The following ABCA1 variants were observed in gnomAD, a reference collection of about 807,000 sequenced individuals.
ABCA1 encodes the protein phospholipid-transporting ATPase ABCA1.
Under a neutral mutation model 262.5 loss-of-function variants are expected in ABCA1, and 133 were observed. The ratio of observed to expected loss-of-function variants is 0.51; its 90% CI spans 0.44 to 0.59. The LOEUF (loss-of-function observed/expected upper bound fraction) is 0.59. ABCA1 is among the 20% of genes least tolerant of loss of function. ABCA1 has a pLI of 0.00. For missense variants in ABCA1, 2,452 were observed against 2,777.5 expected (o/e 0.88, Z 2.63); for synonymous variants, 1,022 against 1,043.5 (o/e 0.98, Z 0.40).
At chr9:104,925,212 A>C (rs1273930407) in intron 1 of ABCA1, among the ~76,000 whole-genome samples, 1 of 152,136 alleles carries the variant, frequency 6.6e-6, no homozygotes, top group African/African-American at 2.4e-5. Flanking sequence ...CTCTGTCTCT[A>C]CTGAAAATGC....
Position 104,903,759 on chromosome 9 carries a change from G to A in ABCA1, c.-80C>T. The A allele has an allele frequency of 7.6e-7, 1 of 1,310,522 alleles. No individual in the cohort carries two copies. Among genetic ancestry groups the A allele is most frequent in the Non-Finnish European group, 1.1e-6 (1 of 931,428 alleles). 81.2% of individuals were successfully genotyped at this position (1,310,522 alleles called of 1,614,324 possible). ...CCAGAGCTCACAGCAGGGACGCCGT[G>A]GCTGGTCATTAACTGAAAGATAAAG... On this transcript the variant is annotated 5_prime_UTR_variant, in exon 2 of 50. Coordinates refer to ENST00000374736, the MANE Select transcript of ABCA1 (RefSeq NM_005502.4).
In ABCA1 at chr9:104,840,548, G is replaced by T. The variant is rs369578104; in HGVS notation, c.814-29C>A. The T allele has an allele frequency of 9.0e-5, 144 of 1,605,932 alleles. 1 individual carries two copies. In the South Asian group the frequency reaches 1.5e-3, roughly 16 times the overall value. ...GCGTCAGGGATGGGGACAGAAAGGA[G>T]GGTAGGGGAAGGGAGAAAAGGGCAG... On this transcript the variant is annotated intron_variant, in intron 8 of 49. Transcript: ENST00000374736.
Position 104,825,896 on chromosome 9 carries a change from A to G in ABCA1, c.2338-9T>C. 6.2e-7 allele frequency: 1 copy of G among 1,613,684 alleles called. No homozygotes were observed. The highest frequency in any genetic ancestry group is 1.3e-5 in the African/African-American group (1 of 75,062). Reference sequence around the variant, plus strand: ...ACAGGAGACAGCAGGCTCTGTGAGAAACAGGCAAAGTCACCTATCCATTTC... The same window carrying G: ...ACAGGAGACAGCAGGCTCTGTGAGAGACAGGCAAAGTCACCTATCCATTTC... On this transcript the variant is annotated splice_polypyrimidine_tract_variant and intron_variant, in intron 16 of 49. Coordinates refer to ENST00000374736, the MANE Select transcript of ABCA1 (RefSeq NM_005502.4).
At chr9:104,877,630 A>T (rs1433809770) in intron 5 of ABCA1, among the ~76,000 whole-genome samples, 3 of 152,274 alleles carry the variant, frequency 2.0e-5, no homozygotes, top group African/African-American at 4.8e-5. Context: ...AGCAACTCGA[A>T]TTTATTATGT....
At chr9:104,804,491 A>T in intron 32 of ABCA1, 135 bp downstream of exon 32, 1 of 778,960 alleles carries the variant, frequency 1.3e-6, no homozygotes, top group Non-Finnish European at 2.3e-6. Flanking sequence ...GTTTGGGATA[A>T]TATCCTAAAC....
At chr9:104,875,636 A>T (rs1163608891) in intron 5 of ABCA1, among the ~76,000 whole-genome samples, 1 of 151,898 alleles carries the variant, frequency 6.6e-6, no homozygotes, top group African/African-American at 2.4e-5. Flanking sequence ...AAATCCTTAT[A>T]AGCTTCAGAG....
chr9:104,861,954 C>T (rs1303058361), intron 5 of ABCA1, among the ~76,000 whole-genome samples, 154 bp from the exon 6 acceptor site: 3 of 151,670 alleles, frequency 2.0e-5, no homozygotes, highest in Admixed American at 1.3e-4. Flanking sequence ...GGGAGCATCG[C>T]CATATCAGGA....
At position 104,781,451 on chromosome 9, in the gene ABCA1, G is replaced by A. The variant is rs1223072648; in HGVS notation, c.*2864C>T. On this transcript the variant is annotated 3_prime_UTR_variant, in exon 50 of 50. Coordinates refer to ENST00000374736, the MANE Select transcript of ABCA1 (RefSeq NM_005502.4). ...CAAATTAATGTCTCAATATCAAAGTGGTTCAGTATTACATGACACATGGCT... is the reference window on the plus strand; with the variant it reads ...CAAATTAATGTCTCAATATCAAAGTAGTTCAGTATTACATGACACATGGCT... 1 of 152,506 alleles carries A rather than the reference G, an allele frequency of 6.6e-6. No homozygotes were observed. The highest frequency in any genetic ancestry group is 1.5e-5 in the Non-Finnish European group (1 of 67,984). 9.4% of individuals were successfully genotyped at this position (152,506 alleles called of 1,614,324 possible).
At chr9:104,788,142 C>T in intron 45 of ABCA1, 88 bp from the exon 46 acceptor site, 2 of 1,381,356 alleles carry the variant, frequency 1.4e-6, no homozygotes, top group Admixed American at 3.4e-5. Flanking sequence ...AGTTCTTTCA[C>T]TGAGTAGGAC....
At position 104,883,063 on chromosome 9, in the gene ABCA1, G is replaced by A. The variant is rs774782707; in HGVS notation, c.397C>T (p.Gln133Ter). 1 of 1,614,116 alleles carries A rather than the reference G, an allele frequency of 6.2e-7. No homozygotes were observed. The highest frequency in any genetic ancestry group is 1.1e-5 in the South Asian group (1 of 91,082). ...CTTGAGCTGGATTTCTTGATCTGCT[G>A]TAATGTTCTCAGAACTTTGCGCATG... Reference protein sequence around the residue: ...KDMRKVLRTLQQIKKSSSNLK... With the variant: ...KDMRKVLRTL Residue 133 changes from glutamine to a stop codon, truncating the protein, a stop_gained, in exon 5 of 50, where the codon CAG becomes TAG. Transcript: ENST00000374736. LOFTEE classifies it high-confidence loss of function.
At chr9:104,859,271 A>G (rs747895935) in intron 6 of ABCA1, among the ~76,000 whole-genome samples, 13 of 152,230 alleles carry the variant, frequency 8.5e-5, no homozygotes, top group Non-Finnish European at 1.6e-4. Context: ...TTGATAGGCC[A>G]ATTCTAAATC....
intron 9 of ABCA1, among the ~76,000 whole-genome samples, chr9:104,838,303 C>A (rs1463603762): frequency 2.3e-5 from 3 of 132,490 alleles, no homozygotes; most frequent in Admixed American, 7.6e-5. Flanking sequence ...AACTCTGTCT[C>A]CCAAAAAAAA....
At position 104,816,219 on chromosome 9, in the gene ABCA1, AGTTCC is replaced by A. The variant is rs779669417; in HGVS notation, c.3657_3661del (p.Glu1220LeufsTer3). On this transcript the variant is annotated frameshift_variant, in exon 25 of 50. Coordinates refer to ENST00000374736, the MANE Select transcript of ABCA1 (RefSeq NM_005502.4). LOFTEE classifies it high-confidence loss of function. ...GAGCCGGTCATCAATCTCATGAAAGAGTTCCACAAAGGCTCCCTCCTTAGCAGCTT... is the reference window on the plus strand; with the variant it reads ...GAGCCGGTCATCAATCTCATGAAAGAACAAAGGCTCCCTCCTTAGCAGCTT... 6.2e-7 allele frequency: 1 copy of A among 1,614,212 alleles called. No individual in the cohort carries two copies. The highest frequency in any genetic ancestry group is 8.5e-7 in the Non-Finnish European group (1 of 1,180,034).
intron 2 of ABCA1, among the ~76,000 whole-genome samples, chr9:104,890,944 T>C (rs1292159031): frequency 3.3e-5 from 5 of 152,228 alleles, no homozygotes; most frequent in African/African-American, 4.8e-5. Flanking sequence ...TCTTTTTTCA[T>C]GCATACATAA....
intron 2 of ABCA1, among the ~76,000 whole-genome samples, chr9:104,898,772 T>A (rs1401702418): frequency 6.6e-6 from 1 of 151,952 alleles, no homozygotes; most frequent in Non-Finnish European, 1.5e-5. Context: ...GATTTCCCTA[T>A]CTCTAAGCCT....
rs1384130912 is a variant in ABCA1 at position 104,827,134 on chromosome 9, C to T, written c.2151G>A (p.Val717=). 3.1e-6 allele frequency: 5 copies of T among 1,614,186 alleles called. No homozygotes were observed. Among genetic ancestry groups the T allele is most frequent in the South Asian group, 2.2e-5 (2 of 91,078 alleles). The stretch of plus-strand genomic sequence containing the variant: ...CAAACACGGACAGGAAGACAAACAC[C>T]ACGCTGGGATCACTGTAGGGCAGCA... The part of the protein sequence containing the change: ...GNLLPYSDPS[V]VFVFLSVFAV... Residue 717 remains valine, a synonymous_variant, in exon 16 of 50, where the codon GTG becomes GTA. Transcript: ENST00000374736.
At chr9:104,832,166 C>T (rs537149029) in intron 12 of ABCA1, among the ~76,000 whole-genome samples, 2 of 152,222 alleles carry the variant, frequency 1.3e-5, no homozygotes, top group East Asian at 1.9e-4. Context: ...CACCTCTTAC[C>T]CATCCCTACT....
chr9:104,802,207 A>G (rs747786401), intron 33 of ABCA1, 48 bp from the exon 34 acceptor site: 4 of 1,511,668 alleles, frequency 2.6e-6, no homozygotes, highest in Non-Finnish European at 2.8e-6. Context: ...GGTGCACAGT[A>G]TCATCAGCAG....
Position 104,802,269 on chromosome 9 carries a change from A to T in ABCA1, c.4593-110T>A, listed in dbSNP as rs1439996285. 6 of 1,001,944 alleles carry T rather than the reference A, an allele frequency of 6.0e-6. No individual in the cohort carries two copies. The Admixed American group carries it at 6.1e-5, about 10-fold the overall frequency. 62.1% of individuals were successfully genotyped at this position (1,001,944 alleles called of 1,614,324 possible). A position where few individuals can be genotyped will look rare whatever the true frequency, so the allele number is the denominator to read the frequency against. ...TTCACTGAGTCAAATTCCTGTTCAA[A>T]GGAGGGCTAAATTTTGCCTCAGAGA... On this transcript the variant is annotated intron_variant, in intron 33 of 49. Transcript: ENST00000374736.
Sources: allele counts gnomAD v4.1 joint callset (sites outside exome capture counted in the v4.1 genomes callset), GRCh38; gene constraint gnomAD v4.1.1; transcripts MANE v1.5; gene names NCBI Gene and HGNC (gene_info 2026-07-23, HGNC 2026-07-21).